SH2D4B: variants seen among roughly 807,000 people sequenced by gnomAD.
SH2D4B encodes the protein SH2 domain-containing protein 4B.
In SH2D4B, 45 loss-of-function variants were observed where a neutral mutation model predicts 61.5. That is an observed-to-expected ratio of 0.73 (90% CI 0.58 to 0.94). The LOEUF (loss-of-function observed/expected upper bound fraction) is 0.94, where lower values mean the gene tolerates loss of function less well. Ranked by LOEUF, SH2D4B falls within the 40% of genes least tolerant of loss-of-function variation. The probability of loss-of-function intolerance (pLI) is 0.00; values close to 1 mark genes in which losing one functional copy is unlikely to be tolerated. For missense variants in SH2D4B, 572 were observed against 574.2 expected (o/e 1.00, Z 0.04); for synonymous variants, 224 against 220.4 (o/e 1.02, Z -0.14).
chr10:80,575,617 C>T (rs187380141), intron 3 of SH2D4B, among the ~76,000 whole-genome samples: 2 of 152,042 alleles, frequency 1.3e-5, no homozygotes, highest in South Asian at 2.1e-4. Context: ...ACTAACAATA[C>T]AAAATACTAA....
chr10:80,616,256 T>G (rs147046759), intron 6 of SH2D4B, among the ~76,000 whole-genome samples: 1 of 152,336 alleles, frequency 6.6e-6, no homozygotes, highest in East Asian at 1.9e-4. Flanking sequence ...ATTGCTAATT[T>G]TCTTCTCTTG....
intron 6 of SH2D4B, among the ~76,000 whole-genome samples, chr10:80,627,220 A>G (rs1234413934): frequency 2.0e-5 from 3 of 152,156 alleles, no homozygotes; most frequent in Non-Finnish European, 1.5e-5. Flanking sequence ...GCCCTCACTG[A>G]GCTGAAATCC....
At chr10:80,583,745 T>C (rs1016198831) in intron 3 of SH2D4B, among the ~76,000 whole-genome samples, 1 of 152,098 alleles carries the variant, frequency 6.6e-6, no homozygotes, top group Non-Finnish European at 1.5e-5. Flanking sequence ...AGAAGACCAT[T>C]ATTTGACAAA....
intron 1 of SH2D4B, chr10:80,540,717 G>A: frequency 1.0e-6 from 1 of 964,502 alleles, no homozygotes; most frequent in Non-Finnish European, 1.5e-6. Flanking sequence ...GCATTACTAT[G>A]TGCTGATTTC....
intron 1 of SH2D4B, among the ~76,000 whole-genome samples, chr10:80,548,175 T>C (rs72824340): frequency 0.022 from 3,282 of 152,306 alleles, 46 homozygotes; most frequent in Middle Eastern, 0.048. Context: ...AGATCATTTT[T>C]CTTTCTTCTT....
chr10:80,582,169 C>T (rs904657971), intron 3 of SH2D4B, among the ~76,000 whole-genome samples: 4 of 152,146 alleles, frequency 2.6e-5, no homozygotes, highest in Non-Finnish European at 5.9e-5. Flanking sequence ...TACCACCTCC[C>T]TCCCTCTGGC....
In SH2D4B at chr10:80,588,783, T is replaced by G; in HGVS notation, c.643+6T>G. ...GCGAGAGTGGGAAGAACAGTGTGAGTAGAGCTTGTGCCTCAGGCAGGGAGA... is the reference window on the plus strand; with the variant it reads ...GCGAGAGTGGGAAGAACAGTGTGAGGAGAGCTTGTGCCTCAGGCAGGGAGA... On this transcript the variant is annotated splice_donor_region_variant and intron_variant, in intron 4 of 7. Coordinates refer to ENST00000646907, the MANE Select transcript of SH2D4B (RefSeq NM_001388272.1). 1.9e-6 allele frequency: 3 copies of G among 1,613,660 alleles called. No homozygotes were observed. The highest frequency in any genetic ancestry group is 2.5e-6 in the Non-Finnish European group (3 of 1,179,942).
At position 80,587,421 on chromosome 10, in the gene SH2D4B, A is replaced by G. The variant is rs116066305; in HGVS notation, c.496-1209A>G. ...CAGCCTGCCTAGCAGCTGGGATTACACACATGCGCCACCATGCTGGGCTAA... is the reference window on the plus strand; with the variant it reads ...CAGCCTGCCTAGCAGCTGGGATTACGCACATGCGCCACCATGCTGGGCTAA... On this transcript the variant is annotated intron_variant, in intron 3 of 7. Coordinates refer to ENST00000646907, the MANE Select transcript of SH2D4B (RefSeq NM_001388272.1). Among the ~76,000 whole-genome samples the G allele has an allele frequency of 1.7e-3, 261 of 151,994 alleles. 1 individual carries two copies. The highest frequency in any genetic ancestry group is 6.0e-3 in the African/African-American group (248 of 41,486).
In SH2D4B at chr10:80,644,099, C is replaced by G. The variant is rs755470427; in HGVS notation, c.*14C>G. 7 of 1,603,282 alleles carry G rather than the reference C, an allele frequency of 4.4e-6. No individual in the cohort carries two copies. In the African/African-American group the frequency reaches 9.4e-5, roughly 21 times the overall value. On this transcript the variant is annotated 3_prime_UTR_variant, in exon 8 of 8. Transcript: ENST00000646907. The stretch of plus-strand genomic sequence containing the variant: ...TTGTTTGAATAATTTTTTTCCTTAT[C>G]AATTGGATTCATTTTGGTATCCTGT...
chr10:80,546,051 T>C (rs575492308), intron 1 of SH2D4B, among the ~76,000 whole-genome samples: 1 of 150,258 alleles, frequency 6.7e-6, no homozygotes, highest in Non-Finnish European at 1.5e-5. Flanking sequence ...TCTTTCTTTT[T>C]TTTTTTTTTT....
At position 80,609,648 on chromosome 10, in the gene SH2D4B, G is replaced by A. The variant is rs1842571585; in HGVS notation, c.988+97G>A. On this transcript the variant is annotated intron_variant, in intron 6 of 7. Coordinates refer to ENST00000646907, the MANE Select transcript of SH2D4B (RefSeq NM_001388272.1). ...GTGCTGAAGGACAGTTATAATCAGG[G>A]GGCAGAGGACTTTAAGCAATCTCCA... The A allele has an allele frequency of 1.9e-6, 3 of 1,564,682 alleles. No individual in the cohort carries two copies. In the South Asian group the frequency reaches 3.5e-5, roughly 18 times the overall value.
At chr10:80,587,594 A>G (rs955168070) in intron 3 of SH2D4B, among the ~76,000 whole-genome samples, 2 of 151,550 alleles carry the variant, frequency 1.3e-5, no homozygotes, top group Non-Finnish European at 2.9e-5. Flanking sequence ...TTTTCTTTCT[A>G]AACTTTTATT....
At chr10:80,543,977 T>C (rs939360834) in intron 1 of SH2D4B, among the ~76,000 whole-genome samples, 1 of 138,834 alleles carries the variant, frequency 7.2e-6, no homozygotes, top group African/African-American at 2.9e-5. Flanking sequence ...ACCACTCGGC[T>C]CTACCAATCA....
intron 4 of SH2D4B, among the ~76,000 whole-genome samples, chr10:80,596,279 A>C (rs1167962307): frequency 6.6e-6 from 1 of 152,188 alleles, no homozygotes; most frequent in African/African-American, 2.4e-5. Context: ...GAGTTGTTTT[A>C]AGAATTGCCA....
intron 1 of SH2D4B, among the ~76,000 whole-genome samples, chr10:80,543,705 T>TA (rs1231564146): frequency 6.6e-6 from 1 of 152,144 alleles, no homozygotes; most frequent in Non-Finnish European, 1.5e-5. Context: ...GGAGAACCTT[T>TA]ATGTCTAGCT....
At chr10:80,606,870 C>A (rs1842525792) in intron 5 of SH2D4B, among the ~76,000 whole-genome samples, 1 of 152,140 alleles carries the variant, frequency 6.6e-6, no homozygotes, top group East Asian at 1.9e-4. Context: ...AGATGATTAT[C>A]ATAGCATTAT....
intron 1 of SH2D4B, among the ~76,000 whole-genome samples, chr10:80,568,356 A>G (rs1197166015): frequency 1.3e-5 from 2 of 152,216 alleles, no homozygotes; most frequent in African/African-American, 4.8e-5. Flanking sequence ...GAGGTGTTGC[A>G]GGCAGCTGTG....
chr10:80,627,790 A>AGAAGAAAAG (rs926138846), intron 6 of SH2D4B, among the ~76,000 whole-genome samples: 1 of 151,768 alleles, frequency 6.6e-6, no homozygotes, highest in East Asian at 1.9e-4. Context: ...AAAGGGAGGA[A>AGAAGAAAAG]GAAGAAAAGG....
chr10:80,641,595 G>A (rs115523779), intron 7 of SH2D4B, among the ~76,000 whole-genome samples: 1,593 of 152,374 alleles, frequency 0.01, 29 homozygotes, highest in African/African-American at 0.036. Context: ...GCCTCAGGCT[G>A]TTTGCCTCTA....
Sources: gnomAD v4.1 joint callset for allele counts (sites outside exome capture counted in the v4.1 genomes callset) on GRCh38, gnomAD v4.1.1 for gene constraint, MANE v1.5 for transcripts, NCBI Gene and HGNC (gene_info 2026-07-23, HGNC 2026-07-21) for gene names.